The following ARL8B variants were observed in gnomAD, a reference collection of about 807,000 sequenced individuals.
ARL8B encodes the protein ARF like GTPase 8B.
A neutral mutation model predicts 30.6 loss-of-function variants in ARL8B; 9 were observed. The ratio of observed to expected loss-of-function variants is 0.29; its 90% confidence interval spans 0.18 to 0.51. The LOEUF (loss-of-function observed/expected upper bound fraction) is 0.51, where lower values mean the gene tolerates loss of function less well. Ranked by LOEUF, ARL8B falls within the 20% of genes least tolerant of loss-of-function variation. ARL8B has a pLI of 0.97. For missense variants in ARL8B, 130 were observed against 227.2 expected (o/e 0.57, Z 2.75); for synonymous variants, 74 against 76.0 (o/e 0.97, Z 0.14).
intron 1 of ARL8B, among the ~76,000 whole-genome samples, chr3:5,127,741 T>C (rs369866696): frequency 2.6e-5 from 4 of 151,766 alleles, no homozygotes; most frequent in Non-Finnish European, 4.4e-5. Context: ...GGTGTGGTGG[T>C]GGGCACCTGT....
chr3:5,141,856 A>T (rs948942035), intron 1 of ARL8B, among the ~76,000 whole-genome samples: 1 of 152,328 alleles, frequency 6.6e-6, no homozygotes, highest in African/African-American at 2.4e-5. Flanking sequence ...AGTATAATTG[A>T]TGAATCTTTG....
chr3:5,172,101 C>A (rs777576635), intron 2 of ARL8B, 49 bp from the exon 3 acceptor site: 3 of 1,492,610 alleles, frequency 2.0e-6, no homozygotes, highest in South Asian at 2.3e-5. Context: ...CTCTTGCAAT[C>A]ATTTAATTAA....
chr3:5,165,252 CA>C (rs80333171), intron 1 of ARL8B, among the ~76,000 whole-genome samples: 9,098 of 147,854 alleles, frequency 0.062, 386 homozygotes, highest in East Asian at 0.15. Flanking sequence ...ACTTTGCTAG[CA>C]AAAAAAAAAT....
At position 5,139,115 on chromosome 3, in the gene ARL8B, A is replaced by C. The variant is rs146167649; in HGVS notation, c.123+16527A>C. On this transcript the variant is annotated intron_variant, in intron 1 of 6. Coordinates refer to ENST00000256496, the MANE Select transcript of ARL8B (RefSeq NM_018184.3). Reference sequence around the variant, plus strand: ...AATTGTTACTGAATTTTTTTACAGTAGAAGGGAACATGAGACAATCCATAT... The same window carrying C: ...AATTGTTACTGAATTTTTTTACAGTCGAAGGGAACATGAGACAATCCATAT... 3.6e-3 allele frequency among the ~76,000 whole-genome samples: 556 copies of C among 152,358 alleles called. 3 individuals are homozygous for C. The highest frequency in any genetic ancestry group is 7.1e-3 in the Admixed American group (108 of 15,302).
At chr3:5,158,280 G>A (rs1481798094) in intron 1 of ARL8B, among the ~76,000 whole-genome samples, 1 of 152,176 alleles carries the variant, frequency 6.6e-6, no homozygotes, top group Non-Finnish European at 1.5e-5. Context: ...CACGCGCCCA[G>A]CCTGGGGCAT....
intron 1 of ARL8B, among the ~76,000 whole-genome samples, chr3:5,126,458 C>T (rs1025972424): frequency 1.1e-4 from 16 of 152,148 alleles, no homozygotes; most frequent in Non-Finnish European, 1.8e-4. Flanking sequence ...TAAAAATCAA[C>T]ATTTTGTAAA....
chr3:5,127,872 C>CAAAAAAAA lies in ARL8B; in HGVS notation c.123+5306_123+5313dup, dbSNP rs748657502. Among the ~76,000 whole-genome samples the CAAAAAAAA allele has an allele frequency of 8.5e-4, 9 of 10,594 alleles. 2 individuals are homozygous for CAAAAAAAA. The highest frequency in any genetic ancestry group is 1.3e-3 in the African/African-American group (3 of 2,366). 7.0% of individuals were successfully genotyped at this position (10,594 alleles called of 152,430 possible). On this transcript the variant is annotated intron_variant, in intron 1 of 6. Coordinates refer to ENST00000256496, the MANE Select transcript of ARL8B (RefSeq NM_018184.3). ...TGGGCAACAGAGCGAGACTCCGTCT[C>CAAAAAAAA]AAAAAAAAAAAAAAAAAAAAAAAAA...
intron 1 of ARL8B, among the ~76,000 whole-genome samples, chr3:5,134,800 G>A (rs1247321569): frequency 6.6e-6 from 1 of 152,190 alleles, no homozygotes; most frequent in Non-Finnish European, 1.5e-5. Context: ...TTTGGAACAT[G>A]CGGACATTAC....
chr3:5,146,305 G>A (rs1183227198), intron 1 of ARL8B, among the ~76,000 whole-genome samples: 3 of 152,204 alleles, frequency 2.0e-5, no homozygotes, highest in African/African-American at 7.2e-5. Flanking sequence ...GGGCACCACA[G>A]GGTGGCAGGT....
At position 5,133,260 on chromosome 3, in the gene ARL8B, A is replaced by C. The variant is rs138410691; in HGVS notation, c.123+10672A>C. ...CCACAGGGCCTTGACTGAGTGTGAC[A>C]TTAGGCATGGAGGGCCACTGAAGGT... On this transcript the variant is annotated intron_variant, in intron 1 of 6. Transcript: ENST00000256496. Among the ~76,000 whole-genome samples, 1,338 of 152,322 alleles carry C rather than the reference A, an allele frequency of 8.8e-3. 17 individuals carry two copies. Among genetic ancestry groups the C allele is most frequent in the African/African-American group, 0.031 (1,283 of 41,584 alleles).
At chr3:5,131,471 A>C (rs989962146) in intron 1 of ARL8B, among the ~76,000 whole-genome samples, 1 of 150,710 alleles carries the variant, frequency 6.6e-6, no homozygotes, top group African/African-American at 2.4e-5. Flanking sequence ...GCTCACTGCA[A>C]CCTCCGCCTC....
At chr3:5,134,648 A>T (rs2054309590) in intron 1 of ARL8B, among the ~76,000 whole-genome samples, 2 of 152,142 alleles carry the variant, frequency 1.3e-5, no homozygotes, top group African/African-American at 4.8e-5. Context: ...AGATTACATT[A>T]CTGATCATTT....
intron 1 of ARL8B, among the ~76,000 whole-genome samples, chr3:5,145,040 C>T (rs1408162603): frequency 6.6e-6 from 1 of 152,186 alleles, no homozygotes; most frequent in African/African-American, 2.4e-5. Flanking sequence ...ACCTTTCTCA[C>T]ATAAGGAGTG....
In ARL8B at chr3:5,136,962, C is replaced by G. The variant is rs142058945; in HGVS notation, c.123+14374C>G. On this transcript the variant is annotated intron_variant, in intron 1 of 6. Coordinates refer to ENST00000256496, the MANE Select transcript of ARL8B (RefSeq NM_018184.3). ...CTGTGCAAATTATCTGTTCATTGGT[C>G]TCTACCTTCAGACAACAACCTTTCA... Among the ~76,000 whole-genome samples the G allele has an allele frequency of 2.7e-3, 404 of 152,310 alleles. 1 individual carries two copies. The highest frequency in any genetic ancestry group is 0.01 in the Middle Eastern group (3 of 294).
intron 2 of ARL8B, 99 bp downstream of exon 2, chr3:5,170,682 T>C (rs1310896610): frequency 1.1e-5 from 9 of 819,616 alleles, no homozygotes; most frequent in African/African-American, 8.9e-5. Context: ...TTTGCAGTTT[T>C]TCAGTAATGA....
At position 5,122,356 on chromosome 3, in the gene ARL8B, C is replaced by T. The variant is rs1039013395; in HGVS notation, c.-110C>T. On this transcript the variant is annotated 5_prime_UTR_variant, in exon 1 of 7. Transcript: ENST00000256496. The stretch of plus-strand genomic sequence containing the variant: ...CCGCCGGTGTCCGCCCGTGTCGCGC[C>T]GGGGCACCAAGGAGCCGTTGGAGGG... 2 of 1,559,770 alleles carry T rather than the reference C, an allele frequency of 1.3e-6. No individual in the cohort carries two copies. The highest frequency in any genetic ancestry group is 1.7e-6 in the Non-Finnish European group (2 of 1,154,718).
intron 1 of ARL8B, among the ~76,000 whole-genome samples, chr3:5,134,536 T>C (rs1352140708): frequency 6.6e-6 from 1 of 152,246 alleles, no homozygotes; most frequent in African/African-American, 2.4e-5. Flanking sequence ...TTGTGTGCTT[T>C]AAATCTAAAG....
rs1210090174 is a variant in ARL8B, at chr3:5,180,511, T to C, written c.*1798T>C. On this transcript the variant is annotated 3_prime_UTR_variant, in exon 7 of 7. Transcript: ENST00000256496. ...ACTCTGTGGGGACTGCATAGGTTTG[T>C]TAATTGACCTATAGCTAAACCTTAA... The C allele has an allele frequency of 1.3e-5, 2 of 152,670 alleles. No individual in the cohort carries two copies. Among genetic ancestry groups the C allele is most frequent in the Non-Finnish European group, 2.9e-5 (2 of 68,044 alleles). The allele number at this position is 152,670 out of a possible 1,614,324, so 9.5% of individuals were successfully genotyped here.
chr3:5,123,977 G>A (rs528550531), intron 1 of ARL8B, among the ~76,000 whole-genome samples: 2 of 152,210 alleles, frequency 1.3e-5, no homozygotes, highest in African/African-American at 2.4e-5. Flanking sequence ...AGGTTCAAGC[G>A]ATTTTCCTGC....
Sources: gnomAD v4.1 joint callset for allele counts (sites outside exome capture counted in the v4.1 genomes callset) on GRCh38, gnomAD v4.1.1 for gene constraint, MANE v1.5 for transcripts, NCBI Gene and HGNC (gene_info 2026-07-23, HGNC 2026-07-21) for gene names.